The following FRMD5 variants were observed in gnomAD, a reference collection of about 807,000 sequenced individuals.
The protein encoded by FRMD5 is FERM domain-containing protein 5.
Under a neutral mutation model 69.0 loss-of-function variants are expected in FRMD5, and 20 were observed. The observed-to-expected ratio is 0.29, with a 90% CI of 0.20 to 0.42. The LOEUF (loss-of-function observed/expected upper bound fraction) is 0.42. FRMD5 is among the 10% of genes least tolerant of loss of function. The pLI is 1.00. For synonymous variants in FRMD5, 271 were observed against 260.1 expected (o/e 1.04, Z -0.40); for missense variants, 595 against 708.6 (o/e 0.84, Z 1.82).
rs143232294 is a variant in FRMD5, at chr15:44,182,160, G to A, written c.102+12793C>T. ...CGAGTAGCTGGGATTACAGGTGTGC[G>A]CCACCATGCCTGGCTAAGTTTTATA... On this transcript the variant is annotated intron_variant, in intron 1 of 13. Coordinates refer to ENST00000417257, the MANE Select transcript of FRMD5 (RefSeq NM_032892.5). Among the ~76,000 whole-genome samples the A allele has an allele frequency of 2.1e-3, 324 of 150,806 alleles. 2 individuals are homozygous for A. The highest frequency in any genetic ancestry group is 3.5e-3 in the Non-Finnish European group (237 of 67,792).
At chr15:43,875,987 G>T (rs1420215724) in intron 13 of FRMD5, 5 of 1,399,376 alleles carry the variant, frequency 3.6e-6, no homozygotes. Flanking sequence ...TGGACCCTCT[G>T]GTCATCCAAC....
chr15:44,090,721 T>A (rs1035817323), intron 1 of FRMD5, among the ~76,000 whole-genome samples: 1 of 152,176 alleles, frequency 6.6e-6, no homozygotes, highest in African/African-American at 2.4e-5. Flanking sequence ...ATTATAGGCG[T>A]GAGCCACTGT....
At chr15:44,084,913 G>T (rs558047524) in intron 1 of FRMD5, among the ~76,000 whole-genome samples, 17 of 152,028 alleles carry the variant, frequency 1.1e-4, no homozygotes, top group Non-Finnish European at 2.1e-4. Flanking sequence ...CCAAAAGATC[G>T]TGACTTTGAT....
intron 1 of FRMD5, among the ~76,000 whole-genome samples, chr15:44,165,863 T>C (rs1276736479): frequency 6.6e-6 from 1 of 152,142 alleles, no homozygotes; most frequent in Non-Finnish European, 1.5e-5. Context: ...TCTATCAAAT[T>C]AATATTTCCC....
At chr15:44,083,059 G>C (rs1227969115) in intron 1 of FRMD5, among the ~76,000 whole-genome samples, 1 of 151,934 alleles carries the variant, frequency 6.6e-6, no homozygotes, top group Non-Finnish European at 1.5e-5. Context: ...TTCATGACAA[G>C]CTTCTCAAAC....
intron 1 of FRMD5, among the ~76,000 whole-genome samples, chr15:43,984,002 C>T (rs2140632374): frequency 6.6e-6 from 1 of 152,268 alleles, no homozygotes; most frequent in Middle Eastern, 3.4e-3. Flanking sequence ...ACTGCTGTTG[C>T]CTGTGACAGG....
chr15:43,989,972 T>C, intron 1 of FRMD5: 1 of 1,041,104 alleles, frequency 9.6e-7, no homozygotes, highest in Non-Finnish European at 1.5e-6. Flanking sequence ...TCCTGCTTGA[T>C]GGGGTACTTC....
intron 1 of FRMD5, among the ~76,000 whole-genome samples, chr15:44,052,580 G>T (rs928486829): frequency 1.3e-5 from 2 of 151,156 alleles, no homozygotes; most frequent in African/African-American, 2.5e-5. Context: ...TATTGCTCAG[G>T]ACACCCTGAG....
intron 1 of FRMD5, among the ~76,000 whole-genome samples, chr15:44,004,987 T>C (rs1890372076): frequency 6.6e-6 from 1 of 152,188 alleles, no homozygotes; most frequent in Non-Finnish European, 1.5e-5. Context: ...AAAGTTTTAG[T>C]GGTCTGGATA....
chr15:44,148,748 T>C (rs56071157), intron 1 of FRMD5, among the ~76,000 whole-genome samples: 18,262 of 152,244 alleles, frequency 0.12, 1,218 homozygotes, highest in South Asian at 0.27. Flanking sequence ...TAGTAAACTA[T>C]AGTATAGCAT....
intron 1 of FRMD5, among the ~76,000 whole-genome samples, chr15:43,954,634 C>G (rs2090086457): frequency 6.6e-6 from 1 of 152,226 alleles, no homozygotes; most frequent in African/African-American, 2.4e-5. Flanking sequence ...TGACATTTTA[C>G]TTAGCATTTC....
chr15:44,031,337 T>G (rs1020229847), intron 1 of FRMD5, among the ~76,000 whole-genome samples: 1 of 152,202 alleles, frequency 6.6e-6, no homozygotes, highest in Non-Finnish European at 1.5e-5. Flanking sequence ...AATGTTTGTC[T>G]TAGTCCATTT....
intron 4 of FRMD5, chr15:43,919,046 T>C: frequency 6.5e-6 from 2 of 305,714 alleles, no homozygotes; most frequent in Non-Finnish European, 1.3e-5. Flanking sequence ...AGCTTATCTT[T>C]CAGTGTTATG....
Position 43,873,086 on chromosome 15 carries a change from A to G in FRMD5, c.*799T>C, listed in dbSNP as rs182008666. ...CTATAAAAGTCTTGAGGTTCTTCGG[A>G]AAAAAAAAATCACGTTAAGTCTAGT... On this transcript the variant is annotated 3_prime_UTR_variant, in exon 14 of 14. Transcript: ENST00000417257. 1,104 of 1,141,120 alleles carry G rather than the reference A, an allele frequency of 9.7e-4. 9 individuals carry two copies. In the African/African-American group the frequency reaches 0.015, roughly 16 times the overall value. 70.7% of individuals were successfully genotyped at this position (1,141,120 alleles called of 1,614,324 possible).
chr15:43,942,395 C>G (rs548801020), intron 1 of FRMD5, among the ~76,000 whole-genome samples: 24 of 152,280 alleles, frequency 1.6e-4, no homozygotes, highest in Admixed American at 3.9e-4. Context: ...GCAGCAACAC[C>G]GAAACTCATT....
intron 13 of FRMD5, chr15:43,879,830 T>C (rs1454848194): frequency 1.0e-5 from 4 of 395,050 alleles, no homozygotes; most frequent in Non-Finnish European, 1.8e-5. Flanking sequence ...TGGCAGTGCC[T>C]CGCGTGTTGC....
intron 1 of FRMD5, among the ~76,000 whole-genome samples, chr15:43,952,769 A>C (rs1318558414): frequency 6.6e-6 from 1 of 152,248 alleles, no homozygotes; most frequent in African/African-American, 2.4e-5. Flanking sequence ...GAGGCTGCTG[A>C]AGGCAGCTTT....
chr15:43,961,856 C>A (rs906674140), intron 1 of FRMD5, among the ~76,000 whole-genome samples: 3 of 151,962 alleles, frequency 2.0e-5, no homozygotes, highest in Admixed American at 1.3e-4. Flanking sequence ...ATTCAACAAC[C>A]CTTCATGCTA....
chr15:44,132,789 G>T (rs1031308238), intron 1 of FRMD5, among the ~76,000 whole-genome samples: 1 of 150,320 alleles, frequency 6.7e-6, no homozygotes, highest in Non-Finnish European at 1.5e-5. Context: ...ACAGAGTCTC[G>T]CCCTGTTGCC....
Sources: allele counts gnomAD v4.1 joint callset (sites outside exome capture counted in the v4.1 genomes callset), GRCh38; gene constraint gnomAD v4.1.1; transcripts MANE v1.5; gene names NCBI Gene and HGNC (gene_info 2026-07-23, HGNC 2026-07-21).